The following CDC42SE2 variants were observed in gnomAD, a reference collection of about 807,000 sequenced individuals.
The protein encoded by CDC42SE2 is CDC42 small effector protein 2.
CDC42SE2 carries 3 observed loss-of-function variants against 11.5 expected under a neutral mutation model. The ratio of observed to expected loss-of-function variants is 0.26; its 90% CI spans 0.12 to 0.67. The LOEUF (loss-of-function observed/expected upper bound fraction) is 0.67, where lower values mean the gene tolerates loss of function less well. Ranked by LOEUF, CDC42SE2 falls within the 30% of genes least tolerant of loss-of-function variation. CDC42SE2 has a pLI of 0.80. For synonymous variants in CDC42SE2, 33 were observed against 34.8 expected (o/e 0.95, Z 0.18); for missense variants, 82 against 106.8 (o/e 0.77, Z 1.02).
intron 1 of CDC42SE2, among the ~76,000 whole-genome samples, chr5:131,274,825 G>A (rs764078718): frequency 2.0e-5 from 3 of 152,058 alleles, no homozygotes; most frequent in African/African-American, 7.2e-5. Context: ...ATAGAGCTTC[G>A]TTTTATTCAC....
chr5:131,367,168 A>G (rs1286248746), intron 3 of CDC42SE2, among the ~76,000 whole-genome samples: 2 of 151,924 alleles, frequency 1.3e-5, no homozygotes, highest in East Asian at 1.9e-4. Context: ...TGATATATAT[A>G]TGTGTGTGTA....
In CDC42SE2 at chr5:131,336,555, C is replaced by T. The variant is rs368913868; in HGVS notation, c.-286+20411C>T. Among the ~76,000 whole-genome samples the T allele has an allele frequency of 2.0e-5, 3 of 152,280 alleles. No homozygotes were observed. The East Asian group carries it at 5.8e-4, about 29-fold the overall frequency. ...TGGGGAAGTTCTCCTGGATAATATC[C>T]TGCATAGTGTTTTCCAACTTGGTTC... On this transcript the variant is annotated intron_variant, in intron 2 of 4. Transcript: ENST00000505065.
At chr5:131,305,854 C>T (rs952225067) in intron 1 of CDC42SE2, among the ~76,000 whole-genome samples, 12 of 152,214 alleles carry the variant, frequency 7.9e-5, no homozygotes, top group African/African-American at 2.9e-4. Context: ...TAACTATTTT[C>T]CTATGTTTTC....
chr5:131,363,820 C>T (rs554236415), intron 3 of CDC42SE2, among the ~76,000 whole-genome samples: 9 of 151,860 alleles, frequency 5.9e-5, no homozygotes, highest in South Asian at 4.2e-4. Flanking sequence ...CTCAGCCTCC[C>T]GAGTAGCTGG....
chr5:131,223,135 CCT>C, the CDC42SE2 span, among the ~76,000 whole-genome samples: 1 of 152,170 alleles, frequency 6.6e-6, no homozygotes, highest in Non-Finnish European at 1.5e-5. Context: ...TGTTTTCTCC[CCT>C]TTTTTCACTT....
intron 2 of CDC42SE2, among the ~76,000 whole-genome samples, chr5:131,332,338 G>T (rs527745690): frequency 6.6e-6 from 1 of 152,228 alleles, no homozygotes; most frequent in South Asian, 2.1e-4. Flanking sequence ...CGGTGTATAT[G>T]TGCCACATTT....
At position 131,320,054 on chromosome 5, in the gene CDC42SE2, GAAAAAAAAAAA is replaced by G. The variant is rs763857152; in HGVS notation, c.-286+3927_-286+3937del. On this transcript the variant is annotated intron_variant, in intron 2 of 4. Coordinates refer to ENST00000505065, the MANE Select transcript of CDC42SE2 (RefSeq NM_001375635.1). ...GGACAGAGCAAGACTCCGTCTTAAA[GAAAAAAAAAAA>G]AAAAAAAAAAAAAAAAGAACATTTA... is the stretch of plus-strand genomic sequence containing the variant. Among the ~76,000 whole-genome samples the G allele has an allele frequency of 6.1e-3, 384 of 62,796 alleles. 5 individuals carry two copies. Among genetic ancestry groups the G allele is most frequent in the African/African-American group, 0.018 (351 of 19,066 alleles). The allele number at this position is 62,796 out of a possible 152,430, so 41.2% of individuals were successfully genotyped here.
At chr5:131,350,398 A>C (rs1290833917) in intron 2 of CDC42SE2, among the ~76,000 whole-genome samples, 1 of 152,018 alleles carries the variant, frequency 6.6e-6, no homozygotes, top group Non-Finnish European at 1.5e-5. Context: ...ACACCCTACA[A>C]AATATTAATG....
At chr5:131,229,302 G>A in the CDC42SE2 span, among the ~76,000 whole-genome samples, 28 of 152,076 alleles carry the variant, frequency 1.8e-4, no homozygotes, top group Middle Eastern at 3.4e-3. Context: ...GGCATGAGCC[G>A]CTGCACCCAG....
At position 131,394,055 on chromosome 5, in the gene CDC42SE2, T is replaced by TA. The variant is rs1474751277; in HGVS notation, c.*2966dup. 6.6e-6 allele frequency: 1 copy of TA among 152,302 alleles called. No individual in the cohort carries two copies. Among genetic ancestry groups the TA allele is most frequent in the African/African-American group, 2.4e-5 (1 of 41,444 alleles). 9.4% of individuals were successfully genotyped at this position (152,302 alleles called of 1,614,324 possible). A position where few individuals can be genotyped will look rare whatever the true frequency, so the allele number is the denominator to read the frequency against. On this transcript the variant is annotated 3_prime_UTR_variant, in exon 5 of 5. Coordinates refer to ENST00000505065, the MANE Select transcript of CDC42SE2 (RefSeq NM_001375635.1). ...AAAGATACGGTATTAACCTTGGACA[T>TA]AATTTTTTTTAGGGAGGCAGCTTTC...
At chr5:131,390,908 AAATTCTGGG>A in intron 4 of CDC42SE2, 76 bp from the exon 5 acceptor site, 1 of 508,618 alleles carries the variant, frequency 2.0e-6, no homozygotes. Flanking sequence ...AGCCCAAATA[AAATTCTGGG>A]AAAAGAATTA....
intron 1 of CDC42SE2, among the ~76,000 whole-genome samples, chr5:131,291,217 A>G (rs1240742817): frequency 6.6e-6 from 1 of 152,164 alleles, no homozygotes; most frequent in Non-Finnish European, 1.5e-5. Flanking sequence ...ATTATGGTCC[A>G]TGAATTTATG....
In CDC42SE2 at chr5:131,393,215, A is replaced by T. The variant is rs1750719115; in HGVS notation, c.*2124A>T. The T allele has an allele frequency of 6.6e-6, 1 of 152,368 alleles. No individual in the cohort carries two copies. Among genetic ancestry groups the T allele is most frequent in the East Asian group, 1.9e-4 (1 of 5,342 alleles). 9.4% of individuals were successfully genotyped at this position (152,368 alleles called of 1,614,324 possible). On this transcript the variant is annotated 3_prime_UTR_variant, in exon 5 of 5. Transcript: ENST00000505065. The stretch of plus-strand genomic sequence containing the variant: ...AACTTGGAATAAAGGAACAGGGATC[A>T]CTTTATCTTCTGCCTTCATTTACCT...
upstream of CDC42SE2, among the ~76,000 whole-genome samples, chr5:131,260,818 C>T (rs1183812963): frequency 6.6e-6 from 1 of 152,000 alleles, no homozygotes; most frequent in Non-Finnish European, 1.5e-5. Flanking sequence ...CCTGTAATCC[C>T]ACCTACTTGG....
rs1028545101 is a variant in CDC42SE2 at position 131,325,210 on chromosome 5, T to C, written c.-286+9066T>C. ...AGGATTACTTTTGGATTTCCAGAAG[T>C]GATAATGATGCATTAAATGTGAAAA... On this transcript the variant is annotated intron_variant, in intron 2 of 4. Transcript: ENST00000505065. Among the ~76,000 whole-genome samples the C allele has an allele frequency of 2.0e-5, 3 of 152,294 alleles. No homozygotes were observed. In the South Asian group the frequency reaches 6.2e-4, roughly 32 times the overall value.
intron 3 of CDC42SE2, among the ~76,000 whole-genome samples, 160 bp from the exon 4 acceptor site, chr5:131,385,383 T>A (rs150878257): frequency 7.6e-4 from 115 of 152,298 alleles, no homozygotes; most frequent in South Asian, 6.4e-3. Flanking sequence ...GTGCATATAT[T>A]TGTCTTGGGG....
At chr5:131,267,302 C>T (rs376655429) in intron 1 of CDC42SE2, among the ~76,000 whole-genome samples, 9 of 152,142 alleles carry the variant, frequency 5.9e-5, no homozygotes, top group East Asian at 1.9e-4. Context: ...CGTGATCTGC[C>T]CTCCTTGGCC....
intron 4 of CDC42SE2, among the ~76,000 whole-genome samples, chr5:131,390,274 T>G (rs1051760501): frequency 1.3e-5 from 2 of 152,248 alleles, no homozygotes; most frequent in African/African-American, 4.8e-5. Context: ...GATTTATCTT[T>G]GGTTGGTCCA....
At chr5:131,257,925 G>A (rs1756691373) in intron 2 of CDC42SE2, among the ~76,000 whole-genome samples, 1 of 152,164 alleles carries the variant, frequency 6.6e-6, no homozygotes, top group Non-Finnish European at 1.5e-5. Flanking sequence ...AACACACACT[G>A]GTGCTAGTTC....
Sources: gnomAD v4.1 joint callset for allele counts (sites outside exome capture counted in the v4.1 genomes callset) on GRCh38, gnomAD v4.1.1 for gene constraint, MANE v1.5 for transcripts, NCBI Gene and HGNC (gene_info 2026-07-23, HGNC 2026-07-21) for gene names.